Variants in ATP6V1E2 observed in about 807,000 individuals in gnomAD.
ATP6V1E2 encodes the protein ATPase H+ transporting V1 subunit E2.
For missense variants in ATP6V1E2, 308 were observed against 273.3 expected, an observed-to-expected ratio of 1.13 and a Z score of -0.90; for synonymous variants, 121 against 104.2, an observed-to-expected ratio of 1.16 and a Z score of -0.98.
intron 4 of ATP6V1E2, among the ~76,000 whole-genome samples, chr2:46,516,381 G>C (rs553398923): frequency 2.6e-5 from 4 of 152,294 alleles, no homozygotes; most frequent in South Asian, 2.1e-4. Flanking sequence ...AGGAAAATTA[G>C]AAAATTCACA....
intron 4 of ATP6V1E2, among the ~76,000 whole-genome samples, chr2:46,531,788 G>A (rs536469750): frequency 1.3e-5 from 2 of 152,248 alleles, no homozygotes; most frequent in South Asian, 4.2e-4. Flanking sequence ...AACTACTAAT[G>A]ATGTTGAATA....
chr2:46,541,604 C>T (rs1437268625), intron 1 of ATP6V1E2, 151 bp from the exon 2 acceptor site: 1 of 152,250 alleles, frequency 6.6e-6, no homozygotes, highest in African/African-American at 2.4e-5. Context: ...GGTGATGGTC[C>T]AGTTGACCTC....
intron 4 of ATP6V1E2, among the ~76,000 whole-genome samples, chr2:46,524,023 C>T (rs568767107): frequency 5.9e-5 from 9 of 152,240 alleles, no homozygotes; most frequent in African/African-American, 2.2e-4. Flanking sequence ...CATGATTTGG[C>T]TCTCTGCTTG....
chr2:46,520,235 G>A (rs1666541871), intron 4 of ATP6V1E2, among the ~76,000 whole-genome samples: 2 of 152,242 alleles, frequency 1.3e-5, no homozygotes. Context: ...CCCTCTGCAG[G>A]AAAGCGTGTG....
At chr2:46,529,425 A>G (rs948612479) in intron 4 of ATP6V1E2, among the ~76,000 whole-genome samples, 1 of 152,150 alleles carries the variant, frequency 6.6e-6, no homozygotes, top group Non-Finnish European at 1.5e-5. Flanking sequence ...CACTCATCTC[A>G]ACCCTGCCCA....
At chr2:46,527,464 G>T (rs559609701) in intron 4 of ATP6V1E2, among the ~76,000 whole-genome samples, 1 of 152,132 alleles carries the variant, frequency 6.6e-6, no homozygotes, top group Non-Finnish European at 1.5e-5. Context: ...CTCGTGATCT[G>T]CCCACCTTGG....
intron 3 of ATP6V1E2, 44 bp downstream of exon 3, chr2:46,536,567 G>A (rs1415782847): frequency 6.6e-6 from 1 of 152,252 alleles, no homozygotes; most frequent in Non-Finnish European, 1.5e-5. Flanking sequence ...ATAACAGCAG[G>A]GCAGCACCAG....
chr2:46,512,382 C>T lies in ATP6V1E2; in HGVS notation c.330G>A (p.Glu110=). ...LRLSRIVEDP[E]VYQGLLDKLV... is the part of the protein sequence containing the mutation. ...GTTTATCCAGCAGCCCCTGGTAGAC[C>T]TCTGGGTCCTCCACAATCCTGCTGA... The change falls in exon 5 of 5, where the codon GAG becomes GAA. Residue 110 remains glutamate (E), a synonymous_variant. Coordinates refer to ENST00000522587, the MANE Select transcript of ATP6V1E2 (RefSeq NM_001318063.2). The T allele has an allele frequency of 6.2e-7, 1 of 1,614,152 alleles. No individual in the cohort carries two copies. Among genetic ancestry groups the T allele is most frequent in the Non-Finnish European group, 8.5e-7 (1 of 1,180,044 alleles).
chr2:46,513,450 T>C (rs1687570369), intron 4 of ATP6V1E2, among the ~76,000 whole-genome samples: 1 of 152,218 alleles, frequency 6.6e-6, no homozygotes, highest in South Asian at 2.1e-4. Context: ...GTCTATAGCG[T>C]TGTTCAAGTT....
intron 2 of ATP6V1E2, among the ~76,000 whole-genome samples, chr2:46,538,504 A>AG (rs397772721): frequency 2.0e-5 from 3 of 151,278 alleles, no homozygotes; most frequent in African/African-American, 4.9e-5. Flanking sequence ...CAAAAAAAAA[A>AG]GGGGAAGATT....
At chr2:46,523,127 G>C (rs1666724361) in intron 4 of ATP6V1E2, among the ~76,000 whole-genome samples, 1 of 151,904 alleles carries the variant, frequency 6.6e-6, no homozygotes, top group East Asian at 1.9e-4. Context: ...CGTAAATTCT[G>C]GATATTAGAC....
chr2:46,525,389 A>T (rs543702469), intron 4 of ATP6V1E2, among the ~76,000 whole-genome samples: 1 of 149,122 alleles, frequency 6.7e-6, no homozygotes, highest in East Asian at 2.0e-4. Context: ...GTGAACCCGG[A>T]AGGCGGAGCT....
intron 4 of ATP6V1E2, among the ~76,000 whole-genome samples, chr2:46,531,194 C>T (rs1478601493): frequency 6.6e-6 from 1 of 152,214 alleles, no homozygotes; most frequent in African/African-American, 2.4e-5. Context: ...TCAAACCCTA[C>T]CATCCCCAGC....
In ATP6V1E2 at chr2:46,522,010, T is replaced by G. The variant is rs145386713; in HGVS notation, c.-101-9198A>C. On this transcript the variant is annotated intron_variant, in intron 4 of 4. Transcript: ENST00000522587. ...AGGCCCTGTCTTTCAAAAAGTATTT[T>G]TTGGCTGGGTGAGGTGGCTTATGCC... 5.3e-3 allele frequency among the ~76,000 whole-genome samples: 807 copies of G among 152,242 alleles called. 7 individuals are homozygous for G. Among genetic ancestry groups the G allele is most frequent in the African/African-American group, 0.019 (772 of 41,540 alleles).
chr2:46,537,452 G>A (rs1370309426), intron 2 of ATP6V1E2: 1 of 152,254 alleles, frequency 6.6e-6, no homozygotes, highest in Admixed American at 6.5e-5. Context: ...TGGGTCAAGA[G>A]AAGCTCTCTT....
chr2:46,512,181 T>G lies in ATP6V1E2; in HGVS notation c.531A>C (p.Ala177=), dbSNP rs1477553195. ...IDKEAYLAVN[A]AGGVEVYSGN... is the part of the protein sequence containing the mutation. ...CACTGTAGACCTCCACACCTCCAGC[T>G]GCATTCACAGCCAGGTATGCCTCTT... The change falls in exon 5 of 5, where the codon GCA becomes GCC. Residue 177 remains alanine, a synonymous_variant. Coordinates refer to ENST00000522587, the MANE Select transcript of ATP6V1E2 (RefSeq NM_001318063.2). The G allele has an allele frequency of 2.5e-6, 4 of 1,614,228 alleles. No homozygotes were observed. In the Admixed American group the frequency reaches 6.7e-5, roughly 27 times the overall value.
At chr2:46,527,680 G>A (rs911636331) in intron 4 of ATP6V1E2, among the ~76,000 whole-genome samples, 3 of 151,990 alleles carry the variant, frequency 2.0e-5, no homozygotes, top group African/African-American at 4.8e-5. Flanking sequence ...GTTTGTTGTT[G>A]TTGTTGTTTT....
intron 4 of ATP6V1E2, among the ~76,000 whole-genome samples, chr2:46,515,927 G>A (rs932956389): frequency 6.6e-6 from 1 of 152,132 alleles, no homozygotes; most frequent in Admixed American, 6.5e-5. Context: ...ACTGTCACAA[G>A]AGACAAAGAC....
intron 4 of ATP6V1E2, among the ~76,000 whole-genome samples, chr2:46,534,041 C>T (rs1195649359): frequency 6.6e-6 from 1 of 152,140 alleles, no homozygotes; most frequent in Non-Finnish European, 1.5e-5. Context: ...CAAAGTGCCT[C>T]GCTTGATATG....
Sources: allele counts gnomAD v4.1 joint callset (sites outside exome capture counted in the v4.1 genomes callset), GRCh38; gene constraint gnomAD v4.1.1; transcripts MANE v1.5; gene names NCBI Gene and HGNC (gene_info 2026-07-23, HGNC 2026-07-21).